STAP1: variants seen among roughly 807,000 people sequenced by gnomAD.
STAP1 encodes signal transducing adaptor family member 1.
A neutral mutation model predicts 37.8 loss-of-function variants in STAP1; 30 were observed. That is an observed-to-expected ratio of 0.79 (90% CI 0.59 to 1.08). The LOEUF is 1.08. STAP1 is among the 50% of genes least tolerant of loss of function. The pLI, the probability that STAP1 is intolerant of heterozygous loss-of-function variation, is 0.00. For missense variants in STAP1, 357 were observed against 349.4 expected (o/e 1.02, Z -0.17); for synonymous variants, 130 against 116.0 (o/e 1.12, Z -0.78).
Position 67,607,005 on chromosome 4 carries a change from A to G in STAP1, c.*648A>G, listed in dbSNP as rs959251067. 6.6e-6 allele frequency: 1 copy of G among 152,248 alleles called. No homozygotes were observed. Among genetic ancestry groups the G allele is most frequent in the Admixed American group, 6.5e-5 (1 of 15,278 alleles). The allele number at this position is 152,248 out of a possible 1,614,324, so 9.4% of individuals were successfully genotyped here. ...TGTCGTAAGTACGATGAGCCTGATT[A>G]TAAGTACCTGGAGTTCTTAAAAATA... On this transcript the variant is annotated 3_prime_UTR_variant, in exon 9 of 9. Coordinates refer to ENST00000265404, the MANE Select transcript of STAP1 (RefSeq NM_012108.4).
At chr4:67,560,262 T>A (rs189357428) in intron 1 of STAP1, among the ~76,000 whole-genome samples, 1 of 152,338 alleles carries the variant, frequency 6.6e-6, no homozygotes, top group African/African-American at 2.4e-5. Context: ...ACTTATAGCT[T>A]GTGATCTTGT....
chr4:67,582,427 A>T (rs1460520950), intron 5 of STAP1, among the ~76,000 whole-genome samples: 1 of 151,394 alleles, frequency 6.6e-6, no homozygotes, highest in Non-Finnish European at 1.5e-5. Context: ...CCATGCCTTG[A>T]CCTGCCGAGT....
chr4:67,606,382 A>G lies in STAP1; in HGVS notation c.*25A>G, dbSNP rs776173809. The G allele has an allele frequency of 1.3e-5, 21 of 1,587,518 alleles. No homozygotes were observed. The South Asian group carries it at 1.7e-4, about 13-fold the overall frequency. ...AAATACAATGTGAAAGCTCCTTTGT[A>G]TATCTTGGTAATTTATATTTTCAAA... On this transcript the variant is annotated 3_prime_UTR_variant, in exon 9 of 9. Transcript: ENST00000265404.
At chr4:67,588,568 C>T (rs1728049855) in intron 6 of STAP1, among the ~76,000 whole-genome samples, 1 of 152,054 alleles carries the variant, frequency 6.6e-6, no homozygotes, top group Non-Finnish European at 1.5e-5. Context: ...CACCACCACG[C>T]CCGGCTAATT....
chr4:67,564,741 T>C (rs1578020480), intron 1 of STAP1, among the ~76,000 whole-genome samples: 1 of 152,032 alleles, frequency 6.6e-6, no homozygotes, highest in Non-Finnish European at 1.5e-5. Flanking sequence ...GGTGAAACCC[T>C]GCCTCTACTA....
chr4:67,601,663 A>C (rs571707602), intron 8 of STAP1, among the ~76,000 whole-genome samples: 3 of 152,300 alleles, frequency 2.0e-5, no homozygotes, highest in Non-Finnish European at 4.4e-5. Flanking sequence ...TGCACATTAA[A>C]TATGTCATGC....
intron 7 of STAP1, among the ~76,000 whole-genome samples, chr4:67,591,908 C>A (rs1165267590): frequency 6.6e-6 from 1 of 152,038 alleles, no homozygotes; most frequent in African/African-American, 2.4e-5. Context: ...AGGCAGAAAA[C>A]TAGATTGCTA....
chr4:67,569,656 A>G (rs1289158804), intron 1 of STAP1, among the ~76,000 whole-genome samples: 2 of 152,006 alleles, frequency 1.3e-5, no homozygotes, highest in African/African-American at 2.4e-5. Flanking sequence ...ACTAAGACAC[A>G]CATACATTAG....
At chr4:67,573,590 C>T (rs989702165) in intron 2 of STAP1, among the ~76,000 whole-genome samples, 1 of 152,074 alleles carries the variant, frequency 6.6e-6, no homozygotes, top group African/African-American at 2.4e-5. Context: ...TCCTTTGAAC[C>T]TCCCTTCCAT....
chr4:67,594,371 G>A (rs1728180069), intron 8 of STAP1, among the ~76,000 whole-genome samples: 2 of 152,112 alleles, frequency 1.3e-5, no homozygotes, highest in African/African-American at 4.8e-5. Context: ...GGATCTGAAG[G>A]AACTTTAGAA....
In STAP1 at chr4:67,593,329, T is replaced by G; in HGVS notation, c.799T>G (p.Phe267Val). 1 of 1,612,846 alleles carries G rather than the reference T, an allele frequency of 6.2e-7. No individual in the cohort carries two copies. Among genetic ancestry groups the G allele is most frequent in the Non-Finnish European group, 8.5e-7 (1 of 1,179,258 alleles). The change falls in exon 8 of 9, where the codon TTT becomes GTT. Residue 267 changes from phenylalanine (F) to valine (V), a missense_variant. Phe to Val is a conservative substitution (Grantham distance 50). Transcript: ENST00000265404. ...GGAGACTCGAGGAAATTTAAGACCA[T>G]TTATATGTTCAACTGATGAAAACAC... The part of the protein sequence containing the change: ...VKETRGNLRP[F>V]ICSTDENTGQ...
chr4:67,585,716 T>C (rs1460977767), intron 6 of STAP1, among the ~76,000 whole-genome samples: 1 of 152,240 alleles, frequency 6.6e-6, no homozygotes, highest in Non-Finnish European at 1.5e-5. Flanking sequence ...ATTTGATGTA[T>C]AATTTAATTG....
At chr4:67,580,621 C>G (rs1046439496) in intron 4 of STAP1, among the ~76,000 whole-genome samples, 5 of 152,164 alleles carry the variant, frequency 3.3e-5, no homozygotes, top group African/African-American at 1.2e-4. Context: ...ACCATTCACA[C>G]TATACCTTCT....
At chr4:67,570,046 A>C (rs1408084355) in intron 1 of STAP1, among the ~76,000 whole-genome samples, 1 of 152,142 alleles carries the variant, frequency 6.6e-6, no homozygotes, top group African/African-American at 2.4e-5. Flanking sequence ...GATGGCCTTT[A>C]GGGGTAATAA....
chr4:67,563,873 G>A lies in STAP1; in HGVS notation c.120+4944G>A, dbSNP rs555982987. ...GATTGTAGGTTTCCTAGTTAAGCTA[G>A]TGATAAATTCAGAAGTCTTATTTCA... On this transcript the variant is annotated intron_variant, in intron 1 of 8. Transcript: ENST00000265404. 6.6e-5 allele frequency among the ~76,000 whole-genome samples: 10 copies of A among 151,206 alleles called. No homozygotes were observed. In the South Asian group the frequency reaches 2.1e-3, roughly 32 times the overall value.
intron 1 of STAP1, among the ~76,000 whole-genome samples, chr4:67,565,684 A>G (rs559485539): frequency 2.6e-5 from 4 of 152,180 alleles, no homozygotes; most frequent in African/African-American, 9.6e-5. Context: ...CAACAACTCT[A>G]TGGAGCAATA....
intron 7 of STAP1, among the ~76,000 whole-genome samples, chr4:67,591,800 A>T (rs914254770): frequency 1.3e-5 from 2 of 152,234 alleles, no homozygotes; most frequent in Non-Finnish European, 2.9e-5. Context: ...CTGCTGATTC[A>T]TAGAGCACAC....
intron 6 of STAP1, among the ~76,000 whole-genome samples, chr4:67,589,413 A>C (rs1221317156): frequency 6.6e-6 from 1 of 152,136 alleles, no homozygotes; most frequent in African/African-American, 2.4e-5. Flanking sequence ...TCCAATTGAG[A>C]GGTGATTTGG....
chr4:67,584,171 T>C (rs1443459966), intron 6 of STAP1, among the ~76,000 whole-genome samples: 1 of 150,216 alleles, frequency 6.7e-6, no homozygotes, highest in Non-Finnish European at 1.5e-5. Flanking sequence ...ACTGAGCCAA[T>C]GCTAACATTT....
Sources: gnomAD v4.1 joint callset for allele counts (sites outside exome capture counted in the v4.1 genomes callset) on GRCh38, gnomAD v4.1.1 for gene constraint, MANE v1.5 for transcripts, NCBI Gene and HGNC (gene_info 2026-07-23, HGNC 2026-07-21) for gene names.